RNF31: variants seen among roughly 807,000 people sequenced by gnomAD.
RNF31 encodes the protein ring finger protein 31.
RNF31 carries 38 observed loss-of-function variants against 133.6 expected under a neutral mutation model. The observed-to-expected ratio is 0.28, with a 90% CI of 0.22 to 0.37. The LOEUF (loss-of-function observed/expected upper bound fraction) is 0.37. Among genes scored for constraint, RNF31 ranks in the 10% least tolerant of loss-of-function variants. RNF31 has a pLI of 1.00. For missense variants in RNF31, 1,118 were observed against 1,394.1 expected (o/e 0.80, Z 3.15); for synonymous variants, 582 against 552.3 (o/e 1.05, Z -0.75).
chr14:24,160,002 T>C lies in RNF31; in HGVS notation c.2996+42T>C. 6.3e-7 allele frequency: 1 copy of C among 1,576,912 alleles called. No individual in the cohort carries two copies. The highest frequency in any genetic ancestry group is 8.7e-7 in the Non-Finnish European group (1 of 1,151,086). ...CATGGGCATGGTGTTGGGCAGTGGG[T>C]AGAAGTGGTGAGGGCATGCCCAGGC... On this transcript the variant is annotated intron_variant, in intron 19 of 20. Coordinates refer to ENST00000324103, the MANE Select transcript of RNF31 (RefSeq NM_017999.5). The surrounding 1 kb of genome is among the most constrained non-coding windows in gnomAD (Gnocchi z 4.0).
chr14:24,155,872 T>G lies in RNF31; in HGVS notation c.2493+180T>G. 6.7e-6 allele frequency among the ~76,000 whole-genome samples: 1 copy of G among 149,218 alleles called. No homozygotes were observed. The highest frequency in any genetic ancestry group is 2.5e-5 in the African/African-American group (1 of 40,126). ...AAGGGAAGCAGAGGGAGGGAGGAAA[T>G]CGGGAGGGAAAGGAAAGGGGAGGAG... On this transcript the variant is annotated intron_variant, in intron 14 of 20. Coordinates refer to ENST00000324103, the MANE Select transcript of RNF31 (RefSeq NM_017999.5). The surrounding 1 kb of genome is among the most constrained non-coding windows in gnomAD (Gnocchi z 4.9).
intron 11 of RNF31, among the ~76,000 whole-genome samples, chr14:24,153,024 T>C (rs902435954): frequency 6.7e-6 from 1 of 150,106 alleles, no homozygotes; most frequent in African/African-American, 2.5e-5. Flanking sequence ...GAGCTTGCAG[T>C]GAGCCGAGAT....
In RNF31 at chr14:24,148,669, G is replaced by C; in HGVS notation, c.523G>C (p.Glu175Gln). The change falls in exon 4 of 21, where the codon GAG becomes CAG. Residue 175 changes from glutamate (E) to glutamine (Q), a missense_variant. Physicochemically the swap from Glu to Gln is conservative, Grantham distance 29. Coordinates refer to ENST00000324103, the MANE Select transcript of RNF31 (RefSeq NM_017999.5). ...QNTHPRQQAL[E>Q]QLLEDKVEDD... The stretch of plus-strand genomic sequence containing the variant: ...TACTCATCCAAGACAGCAGGCACTG[G>C]AGCAGCTGTTGGAAGACAAGGTTGA... The C allele has an allele frequency of 1.2e-6, 2 of 1,614,230 alleles. No individual in the cohort carries two copies. Among genetic ancestry groups the C allele is most frequent in the Non-Finnish European group, 8.5e-7 (1 of 1,180,036 alleles).
chr14:24,154,548 G>T (rs186140328), intron 11 of RNF31, among the ~76,000 whole-genome samples: 23 of 152,328 alleles, frequency 1.5e-4, no homozygotes, highest in Admixed American at 1.5e-3. Flanking sequence ...AAAGTACTGG[G>T]ATTACAGGTG....
chr14:24,159,003 A>C (rs1451114256), intron 18 of RNF31, among the ~76,000 whole-genome samples: 4 of 129,954 alleles, frequency 3.1e-5, no homozygotes, highest in Non-Finnish European at 4.6e-5. Context: ...ACCGCACTCC[A>C]GCCTGGGCAA....
Position 24,147,995 on chromosome 14 carries a change from C to A in RNF31, c.212C>A (p.Thr71Asn). The A allele has an allele frequency of 1.2e-6, 2 of 1,613,792 alleles. No individual in the cohort carries two copies. Among genetic ancestry groups the A allele is most frequent in the Non-Finnish European group, 1.7e-6 (2 of 1,180,028 alleles). The change falls in exon 2 of 21, where the codon ACC becomes AAC. Residue 71 changes from threonine (T) to asparagine (N), a missense_variant. Transcript: ENST00000324103. Reference sequence around the variant, plus strand: ...TCCCAGCCCCGAAACTACCTCAACACCCTGTCCACGGCTCTGAACATCCTG... The same window carrying A: ...TCCCAGCCCCGAAACTACCTCAACAACCTGTCCACGGCTCTGAACATCCTG... ...AHGEPRNYLNTLSTALNILEK... is the reference protein window; with the variant it reads ...AHGEPRNYLNNLSTALNILEK...
rs368386042 is a variant in RNF31, at chr14:24,151,681, G to A, written c.1923+11G>A. On this transcript the variant is annotated intron_variant, in intron 10 of 20. Transcript: ENST00000324103. The surrounding 1 kb of genome is among the most constrained non-coding windows in gnomAD (Gnocchi z 5.3). ...GGGCCAGACAAGCAGGTGCTGGGAG[G>A]AGGCAAGAAGCCCAAGGGTCCACCT... is the stretch of plus-strand genomic sequence containing the variant. The A allele has an allele frequency of 3.7e-6, 6 of 1,609,220 alleles. No individual in the cohort carries two copies. The African/African-American group carries it at 8.0e-5, about 21-fold the overall frequency.
At position 24,150,103 on chromosome 14, in the gene RNF31, G is replaced by C; in HGVS notation, c.852G>C (p.Leu284=). ...SAQPRPQSTS[L]LALGDSSLSS... is the part of the protein sequence containing the mutation. ...AACCACGGCCCCAGTCGACCTCCCT[G>C]CTGGCCCTGGGAGACAGCTCTCTTT... is the stretch of plus-strand genomic sequence containing the variant. The change falls in exon 7 of 21, where the codon CTG becomes CTC. Residue 284 remains leucine (L), a synonymous_variant. Transcript: ENST00000324103. 3 of 1,600,804 alleles carry C rather than the reference G, an allele frequency of 1.9e-6. No homozygotes were observed. The highest frequency in any genetic ancestry group is 2.2e-5 in the East Asian group (1 of 44,482).
At position 24,150,242 on chromosome 14, in the gene RNF31, G is replaced by C. The variant is rs1341406084; in HGVS notation, c.991G>C (p.Gly331Arg). The C allele has an allele frequency of 1.2e-6, 2 of 1,614,086 alleles. No homozygotes were observed. The highest frequency in any genetic ancestry group is 2.2e-5 in the East Asian group (1 of 44,900). The change falls in exon 7 of 21, where the codon GGG becomes CGG. Residue 331 changes from glycine to arginine, a missense_variant. By Grantham distance (125) the Gly-to-Arg change is moderately radical (BLOSUM62 -2). Coordinates refer to ENST00000324103, the MANE Select transcript of RNF31 (RefSeq NM_017999.5). ...VACDRPRGCKGLGLGTEGPQG... is the reference protein window; with the variant it reads ...VACDRPRGCKRLGLGTEGPQG... ...CTGTGATCGGCCCCGAGGCTGTAAG[G>C]GGTTGGGGTTGGGAACTGAGGGTCC...
intron 11 of RNF31, among the ~76,000 whole-genome samples, chr14:24,152,434 T>C (rs2038280992): frequency 6.6e-6 from 1 of 152,056 alleles, no homozygotes; most frequent in Admixed American, 6.5e-5. Context: ...TACTTATTTA[T>C]TTTTTTTAGA....
intron 18 of RNF31, among the ~76,000 whole-genome samples, chr14:24,159,449 G>A (rs893511543): frequency 1.3e-5 from 2 of 151,672 alleles, no homozygotes; most frequent in African/African-American, 4.8e-5. Flanking sequence ...AAGGCAAGAG[G>A]ATTACTTGAG....
At position 24,148,628 on chromosome 14, in the gene RNF31, C is replaced by G. The variant is rs779604199; in HGVS notation, c.496-14C>G. ...GGGTCTAGCTGGAAACCGTTTTTAT[C>G]TGTATTATTGCAGAATACTCATCCA... On this transcript the variant is annotated splice_polypyrimidine_tract_variant and intron_variant, in intron 3 of 20. Coordinates refer to ENST00000324103, the MANE Select transcript of RNF31 (RefSeq NM_017999.5). The G allele has an allele frequency of 1.2e-6, 2 of 1,613,900 alleles. No homozygotes were observed. Among genetic ancestry groups the G allele is most frequent in the Admixed American group, 3.3e-5 (2 of 60,008 alleles).
chr14:24,149,368 CT>C, intron 5 of RNF31, 37 bp from the exon 6 acceptor site: 2 of 1,592,840 alleles, frequency 1.3e-6, no homozygotes, highest in Non-Finnish European at 8.6e-7. Flanking sequence ...GTAGCCTGGT[CT>C]TTTTTGGAAA....
chr14:24,160,638 T>C lies in RNF31; in HGVS notation c.*65T>C. 8.0e-7 allele frequency: 1 copy of C among 1,254,842 alleles called. No individual in the cohort carries two copies. The highest frequency in any genetic ancestry group is 1.1e-6 in the Non-Finnish European group (1 of 944,158). 77.7% of individuals were successfully genotyped at this position (1,254,842 alleles called of 1,614,324 possible). A position where few individuals can be genotyped will look rare whatever the true frequency, so the allele number is the denominator to read the frequency against. On this transcript the variant is annotated 3_prime_UTR_variant, in exon 21 of 21. Transcript: ENST00000324103. This position sits in a 1 kb window ranked among gnomAD's most constrained non-coding sequence, Gnocchi z 4.0. Reference sequence around the variant, plus strand: ...CCCTCAGGAACAGCTCCAGCACCAATAAAGAGGCATCTTACCACCCAGGCT... The same window carrying C: ...CCCTCAGGAACAGCTCCAGCACCAACAAAGAGGCATCTTACCACCCAGGCT...
rs2038423582 is a variant in RNF31, at chr14:24,160,174, TA to T, written c.2997-64del. On this transcript the variant is annotated intron_variant, in intron 19 of 20. Transcript: ENST00000324103. The surrounding 1 kb of genome is among the most constrained non-coding windows in gnomAD (Gnocchi z 4.0). Reference sequence around the variant, plus strand: ...TCGTCCAGGTGTCTCAGAGTCCAGCTATGTTAGACACACTCAGTTAATATTA... The same window carrying T: ...TCGTCCAGGTGTCTCAGAGTCCAGCTTGTTAGACACACTCAGTTAATATTA... The T allele has an allele frequency of 1.3e-6, 2 of 1,541,484 alleles. No homozygotes were observed. Among genetic ancestry groups the T allele is most frequent in the African/African-American group, 2.7e-5 (2 of 73,866 alleles).
In RNF31 at chr14:24,147,849, C is replaced by G; in HGVS notation, c.151C>G (p.Leu51Val). The G allele has an allele frequency of 6.2e-7, 1 of 1,610,260 alleles. No homozygotes were observed. Among genetic ancestry groups the G allele is most frequent in the East Asian group, 2.2e-5 (1 of 44,842 alleles). ...GCCGCTAGCCGCCCGCTACCTGCAGCTGGACGCCGCACGCCTTGTCCGCTG... is the reference window on the plus strand; with the variant it reads ...GCCGCTAGCCGCCCGCTACCTGCAGGTGGACGCCGCACGCCTTGTCCGCTG... ...SLPLAARYLQLDAARLVRCNA... is the reference protein window; with the variant it reads ...SLPLAARYLQVDAARLVRCNA... Residue 51 changes from leucine (L) to valine (V), a missense_variant, in exon 1 of 21, where the codon CTG (leucine) becomes GTG (valine). Physicochemically the swap from Leu to Val is conservative, Grantham distance 32. Coordinates refer to ENST00000324103, the MANE Select transcript of RNF31 (RefSeq NM_017999.5).
rs1258692439 is a variant in RNF31 at position 24,155,476 on chromosome 14, G to A, written c.2367G>A (p.Val789=). Reference sequence around the variant, plus strand: ...TCCATAAGAAGCTGACCGAGGGTGTGCTGATGCGGGACCCCAAGTTCTTGT... The same window carrying A: ...TCCATAAGAAGCTGACCGAGGGTGTACTGATGCGGGACCCCAAGTTCTTGT... ...ALFHKKLTEG[V]LMRDPKFLWC... Residue 789 remains valine (V), a synonymous_variant, in exon 13 of 21, where the codon GTG becomes GTA. Transcript: ENST00000324103. This position sits in a 1 kb window ranked among gnomAD's most constrained non-coding sequence, Gnocchi z 4.9. 1 of 1,614,218 alleles carries A rather than the reference G, an allele frequency of 6.2e-7. No individual in the cohort carries two copies. The highest frequency in any genetic ancestry group is 8.5e-7 in the Non-Finnish European group (1 of 1,180,046).
chr14:24,159,308 T>C (rs959673330), intron 18 of RNF31, among the ~76,000 whole-genome samples: 3 of 147,002 alleles, frequency 2.0e-5, no homozygotes, highest in Non-Finnish European at 4.5e-5. Context: ...GATTGCGCCA[T>C]TGCACTCCAG....
rs774290347 is a variant in RNF31 at position 24,155,627 on chromosome 14, C to T, written c.2428C>T (p.Arg810Cys). 21 of 1,614,160 alleles carry T rather than the reference C, an allele frequency of 1.3e-5. No homozygotes were observed. The highest frequency in any genetic ancestry group is 3.3e-5 in the South Asian group (3 of 91,080). The stretch of plus-strand genomic sequence containing the variant: ...GTGCTCCTTTGGCTTCATATATGAG[C>T]GTGAGCAGCTGGAGGCAACTTGTCC... ...AQCSFGFIYE[R>C]EQLEATCPQC... is the part of the protein sequence containing the mutation. The change falls in exon 14 of 21, where the codon CGT becomes TGT. Residue 810 changes from arginine to cysteine, a missense_variant. By Grantham distance (180) the Arg-to-Cys change is radical. Coordinates refer to ENST00000324103, the MANE Select transcript of RNF31 (RefSeq NM_017999.5). This position sits in a 1 kb window ranked among gnomAD's most constrained non-coding sequence, Gnocchi z 4.9.
Sources: gnomAD v4.1 joint callset for allele counts (sites outside exome capture counted in the v4.1 genomes callset) on GRCh38, gnomAD v4.1.1 for gene constraint, Gnocchi (gnomAD v3.1) non-coding constraint, MANE v1.5 for transcripts, NCBI Gene and HGNC (gene_info 2026-07-23, HGNC 2026-07-21) for gene names.